OSBP2: variants seen among roughly 807,000 people sequenced by gnomAD.
The protein encoded by OSBP2 is oxysterol binding protein 2.
OSBP2 carries 66 observed loss-of-function variants against 96.0 expected under a neutral mutation model. The observed-to-expected ratio is 0.69, with a 90% confidence interval of 0.56 to 0.84. The LOEUF is 0.84. Ranked by LOEUF, OSBP2 falls within the 40% of genes least tolerant of loss-of-function variation. OSBP2 has a pLI of 0.00. For missense variants in OSBP2, 1,038 were observed against 1,222.7 expected (o/e 0.85, Z 2.25); for synonymous variants, 525 against 520.9 (o/e 1.01, Z -0.11).
chr22:30,846,454 T>C (rs2038873317), intron 2 of OSBP2, among the ~76,000 whole-genome samples: 1 of 152,094 alleles, frequency 6.6e-6, no homozygotes, highest in African/African-American at 2.4e-5. Flanking sequence ...CCCAGCCTGA[T>C]TGTACTATTT....
In OSBP2 at chr22:30,730,791, TA is replaced by T. The variant is rs1242850184; in HGVS notation, c.645-10369del. Among the ~76,000 whole-genome samples the T allele has an allele frequency of 1.1e-3, 60 of 52,868 alleles. 9 individuals carry two copies. The highest frequency in any genetic ancestry group is 0.017 in the Middle Eastern group (2 of 118). 34.7% of individuals were successfully genotyped at this position (52,868 alleles called of 152,430 possible). A position where few individuals can be genotyped will look rare whatever the true frequency, so the allele number is the denominator to read the frequency against. On this transcript the variant is annotated intron_variant, in intron 1 of 13. Coordinates refer to ENST00000332585, the MANE Select transcript of OSBP2 (RefSeq NM_030758.4). ...CTCTCTCTCTATATATATATATATATATATATATATATATATAATTTTTTTT... is the reference window on the plus strand; with the variant it reads ...CTCTCTCTCTATATATATATATATATTATATATATATATATAATTTTTTTT...
chr22:30,893,353 G>A, intron 9 of OSBP2, 110 bp from the exon 10 acceptor site: 2 of 1,545,600 alleles, frequency 1.3e-6, no homozygotes, highest in Non-Finnish European at 1.8e-6. Flanking sequence ...CTCCCTGTAG[G>A]CCTGCCTCTT....
At chr22:30,733,129 C>T (rs1303763661) in intron 1 of OSBP2, among the ~76,000 whole-genome samples, 3 of 152,210 alleles carry the variant, frequency 2.0e-5, no homozygotes, top group Non-Finnish European at 4.4e-5. Context: ...GGCTGTCTGG[C>T]TCTTCCCAAG....
intron 2 of OSBP2, among the ~76,000 whole-genome samples, chr22:30,790,053 G>A (rs2090650686): frequency 6.6e-6 from 1 of 152,174 alleles, no homozygotes; most frequent in African/African-American, 2.4e-5. Context: ...CCATCTCCGT[G>A]CTACAAGGTG....
At chr22:30,874,601 C>T (rs62235947) in intron 3 of OSBP2, among the ~76,000 whole-genome samples, 4 of 152,266 alleles carry the variant, frequency 2.6e-5, no homozygotes, top group East Asian at 1.9e-4. Context: ...TTCCACGCAC[C>T]GTCTGGTCCT....
At chr22:30,778,170 C>CTTTTTTTTTT (rs71202014) in intron 2 of OSBP2, among the ~76,000 whole-genome samples, 1 of 67,016 alleles carries the variant, frequency 1.5e-5, no homozygotes. Context: ...AATTTTTGCC[C>CTTTTTTTTTT]TTTTTTTTTT....
intron 3 of OSBP2, among the ~76,000 whole-genome samples, chr22:30,885,364 C>T (rs1023401075): frequency 5.3e-5 from 8 of 152,194 alleles, no homozygotes; most frequent in Admixed American, 3.9e-4. Flanking sequence ...TTTGATCTCA[C>T]TGCCCTCCAG....
At chr22:30,863,770 C>T (rs1459848180) in intron 2 of OSBP2, among the ~76,000 whole-genome samples, 1 of 152,192 alleles carries the variant, frequency 6.6e-6, no homozygotes, top group Admixed American at 6.5e-5. Context: ...GCGAATCCTG[C>T]TGGTGACTGA....
At chr22:30,838,834 T>G (rs1013985193) in intron 2 of OSBP2, among the ~76,000 whole-genome samples, 7 of 145,764 alleles carry the variant, frequency 4.8e-5, no homozygotes, top group South Asian at 4.2e-4. Context: ...TTTCGTTTTG[T>G]TTTTTTTTAT....
chr22:30,804,841 G>T (rs1220878660), intron 2 of OSBP2, among the ~76,000 whole-genome samples: 2 of 152,192 alleles, frequency 1.3e-5, no homozygotes, highest in Admixed American at 6.5e-5. Flanking sequence ...TGACATTCTT[G>T]CTGACTTGTT....
At chr22:30,726,524 A>G (rs1420961850) in intron 1 of OSBP2, among the ~76,000 whole-genome samples, 1 of 152,108 alleles carries the variant, frequency 6.6e-6, no homozygotes, top group Non-Finnish European at 1.5e-5. Flanking sequence ...CAAATACCTA[A>G]TGCATGTGGG....
intron 2 of OSBP2, among the ~76,000 whole-genome samples, chr22:30,798,624 T>A (rs1178112146): frequency 5.9e-5 from 9 of 152,214 alleles, no homozygotes; most frequent in Admixed American, 5.2e-4. Flanking sequence ...AAGGTTTGAT[T>A]TCATTCTTCA....
intron 2 of OSBP2, among the ~76,000 whole-genome samples, chr22:30,807,254 C>T (rs1263909425): frequency 1.3e-5 from 2 of 152,198 alleles, no homozygotes; most frequent in African/African-American, 4.8e-5. Context: ...GCTCCTTCCT[C>T]TTCTTGCTGT....
At chr22:30,861,912 C>T (rs540901642) in intron 2 of OSBP2, among the ~76,000 whole-genome samples, 2 of 152,290 alleles carry the variant, frequency 1.3e-5, no homozygotes, top group South Asian at 4.1e-4. Context: ...GGGCTCCTGC[C>T]CCTTCCTCTC....
At chr22:30,792,735 C>T (rs956695179) in intron 2 of OSBP2, among the ~76,000 whole-genome samples, 12 of 152,168 alleles carry the variant, frequency 7.9e-5, no homozygotes, top group Admixed American at 2.0e-4. Context: ...CTTGTCTCTT[C>T]GGGAGAAAGT....
Position 30,893,905 on chromosome 22 carries a change from T to C in OSBP2, c.2279T>C (p.Met760Thr), listed in dbSNP as rs1450910310. 2.5e-6 allele frequency: 4 copies of C among 1,590,248 alleles called. No individual in the cohort carries two copies. Among genetic ancestry groups the C allele is most frequent in the South Asian group, 1.1e-5 (1 of 87,722 alleles). The change falls in exon 12 of 14, where the codon ATG becomes ACG. Residue 760 changes from methionine (M) to threonine (T), a missense_variant. Physicochemically the swap from Met to Thr is moderately conservative, Grantham distance 81. This residue lies in a region of OSBP2 where 737 missense variants were observed against 913.3 expected (regional missense o/e 0.81). Transcript: ENST00000332585. ...GAACAAATGGAGTGCTCCAAGGTCA[T>C]GCATAGCAGTCCCAGCAGCCCCAGC... ...WDEQMECSKVMHSSPSSPSSD... is the reference protein window; with the variant it reads ...WDEQMECSKVTHSSPSSPSSD...
chr22:30,695,968 A>G (rs753426284), intron 1 of OSBP2, among the ~76,000 whole-genome samples: 3 of 152,196 alleles, frequency 2.0e-5, no homozygotes, highest in East Asian at 3.9e-4. Flanking sequence ...TTCAGTCCTT[A>G]GGACCCACAC....
At chr22:30,876,137 GAC>G (rs1188952870) in intron 3 of OSBP2, among the ~76,000 whole-genome samples, 1 of 152,262 alleles carries the variant, frequency 6.6e-6, no homozygotes, top group Non-Finnish European at 1.5e-5. Context: ...CGAGGCAGCA[GAC>G]ACAGAATGGG....
intron 1 of OSBP2, among the ~76,000 whole-genome samples, chr22:30,701,433 T>TC (rs2089161169): frequency 6.9e-6 from 1 of 143,974 alleles, no homozygotes; most frequent in African/African-American, 2.5e-5. Flanking sequence ...AAGCTCCGCC[T>TC]CCCAGGTTCA....
Sources: gnomAD v4.1 joint callset for allele counts (sites outside exome capture counted in the v4.1 genomes callset) on GRCh38, gnomAD v4.1.1 for gene constraint, gnomAD v4.1.1 regional missense constraint, MANE v1.5 for transcripts, NCBI Gene and HGNC (gene_info 2026-07-23, HGNC 2026-07-21) for gene names.